SUGCT: variants seen among roughly 807,000 people sequenced by gnomAD.
SUGCT encodes succinyl-CoA:glutarate CoA-transferase.
A neutral mutation model predicts 55.0 loss-of-function variants in SUGCT; 41 were observed. The observed-to-expected ratio is 0.74, with a 90% confidence interval of 0.58 to 0.97. The LOEUF (loss-of-function observed/expected upper bound fraction) is 0.97. Among genes scored for constraint, SUGCT ranks in the 50% least tolerant of loss-of-function variants. The pLI is 0.00. For missense variants in SUGCT, 568 were observed against 547.8 expected (o/e 1.04, Z -0.37); for synonymous variants, 187 against 200.4 (o/e 0.93, Z 0.56).
intron 12 of SUGCT, among the ~76,000 whole-genome samples, chr7:40,662,203 T>C (rs945763817): frequency 2.6e-5 from 4 of 152,316 alleles, no homozygotes; most frequent in Middle Eastern, 3.4e-3. Flanking sequence ...GTCCTGTTGG[T>C]TCAACCTCCA....
chr7:40,594,322 T>TA (rs59560745), intron 12 of SUGCT, among the ~76,000 whole-genome samples: 80 of 100,094 alleles, frequency 8.0e-4, no homozygotes, highest in Admixed American at 9.4e-4. Context: ...ACTTAAAGTA[T>TA]AAAAAAAAAA....
intron 9 of SUGCT, among the ~76,000 whole-genome samples, chr7:40,389,617 A>G (rs1191395973): frequency 6.6e-6 from 1 of 152,188 alleles, no homozygotes; most frequent in African/African-American, 2.4e-5. Context: ...TCTCATTGTC[A>G]ATGACAAAGC....
chr7:40,232,599 C>T (rs1416359112), intron 6 of SUGCT, among the ~76,000 whole-genome samples: 3 of 152,098 alleles, frequency 2.0e-5, no homozygotes, highest in Non-Finnish European at 4.4e-5. Context: ...GGTAGGCAGG[C>T]CAGATCATAT....
intron 1 of SUGCT, among the ~76,000 whole-genome samples, chr7:40,167,007 A>G (rs539721051): frequency 2.6e-5 from 4 of 152,346 alleles, no homozygotes. Context: ...AAAGCTATAC[A>G]TGCACTTACC....
At chr7:40,832,575 C>T (rs35107273) in intron 13 of SUGCT, among the ~76,000 whole-genome samples, 44,311 of 141,844 alleles carry the variant, frequency 0.31, 7,072 homozygotes, top group East Asian at 0.54. Flanking sequence ...TTTTTTTTTT[C>T]CCGGATGTGA....
chr7:40,415,467 AT>A (rs1329876782), intron 9 of SUGCT, among the ~76,000 whole-genome samples: 10 of 148,928 alleles, frequency 6.7e-5, no homozygotes, highest in African/African-American at 1.5e-4. Context: ...AAATGTTAAT[AT>A]TTTTTTTCCC....
intron 9 of SUGCT, among the ~76,000 whole-genome samples, chr7:40,350,864 C>A (rs186296025): frequency 2.0e-5 from 3 of 151,708 alleles, no homozygotes; most frequent in African/African-American, 7.3e-5. Context: ...TTCAACTCCC[C>A]CTTAGGAGTG....
Position 40,328,880 on chromosome 7 carries a change from C to G in SUGCT, c.816+12025C>G, listed in dbSNP as rs1202983058. Reference sequence around the variant, plus strand: ...ACCAAAGAATGGGTTCAAATCTACCCAAGGTGGAGGCCTAGGTGGGAAGAG... The same window carrying G: ...ACCAAAGAATGGGTTCAAATCTACCGAAGGTGGAGGCCTAGGTGGGAAGAG... On this transcript the variant is annotated intron_variant, in intron 9 of 13. Coordinates refer to ENST00000335693, the MANE Select transcript of SUGCT (RefSeq NM_001193313.2). Among the ~76,000 whole-genome samples the G allele has an allele frequency of 6.6e-5, 10 of 152,068 alleles. No individual in the cohort carries two copies. In the East Asian group the frequency reaches 1.9e-3, roughly 29 times the overall value.
At position 40,478,884 on chromosome 7, in the gene SUGCT, A is replaced by G. The variant is rs79675809; in HGVS notation, c.987-17400A>G. ...TAATATACCATATAATGTCAAATCA[A>G]ATCGATTCGATATATATATGGAATT... is the stretch of plus-strand genomic sequence containing the variant. On this transcript the variant is annotated intron_variant, in intron 11 of 13. Coordinates refer to ENST00000335693, the MANE Select transcript of SUGCT (RefSeq NM_001193313.2). Among the ~76,000 whole-genome samples, 35 of 152,248 alleles carry G rather than the reference A, an allele frequency of 2.3e-4. No homozygotes were observed. In the East Asian group the frequency reaches 6.6e-3, roughly 29 times the overall value.
intron 12 of SUGCT, among the ~76,000 whole-genome samples, chr7:40,589,150 A>ATGTG (rs148183852): frequency 6.7e-5 from 10 of 150,276 alleles, no homozygotes; most frequent in Admixed American, 2.7e-4. Flanking sequence ...ATGTACATAT[A>ATGTG]TGTGTGTGTG....
chr7:40,922,575 G>T, the SUGCT span, among the ~76,000 whole-genome samples: 2 of 152,150 alleles, frequency 1.3e-5, no homozygotes, highest in Non-Finnish European at 2.9e-5. Context: ...AAAACACAAG[G>T]TTTCTTTACT....
intron 12 of SUGCT, among the ~76,000 whole-genome samples, chr7:40,693,677 A>C (rs1402429209): frequency 6.6e-6 from 1 of 152,208 alleles, no homozygotes; most frequent in Non-Finnish European, 1.5e-5. Context: ...TCAGCCAGTC[A>C]AGAAAGCCTG....
chr7:41,009,509 TTCCTTCCTTCCATCCACCATCCATCCA>T, the SUGCT span, among the ~76,000 whole-genome samples: 14 of 151,714 alleles, frequency 9.2e-5, no homozygotes, highest in South Asian at 2.1e-4. Context: ...TCCACCATCC[TTCCTTCCTTCCATCCACCATCCATCCA>T]TCCTTCCTTC....
At chr7:40,796,915 C>T (rs2128748417) in intron 13 of SUGCT, among the ~76,000 whole-genome samples, 1 of 152,276 alleles carries the variant, frequency 6.6e-6, no homozygotes, top group South Asian at 2.1e-4. Context: ...CGAGATGAGA[C>T]AAGGCAGGTC....
At chr7:40,571,705 T>C (rs896449040) in intron 12 of SUGCT, among the ~76,000 whole-genome samples, 11 of 152,126 alleles carry the variant, frequency 7.2e-5, no homozygotes, top group Admixed American at 3.9e-4. Flanking sequence ...GCTAAATGGA[T>C]CAAGCACCAC....
At chr7:41,013,272 T>C in the SUGCT span, among the ~76,000 whole-genome samples, 1 of 152,196 alleles carries the variant, frequency 6.6e-6, no homozygotes. Context: ...GGTAAACTAA[T>C]CACTGAGCTC....
At chr7:40,688,751 T>C (rs1784567334) in intron 12 of SUGCT, among the ~76,000 whole-genome samples, 1 of 152,198 alleles carries the variant, frequency 6.6e-6, no homozygotes, top group African/African-American at 2.4e-5. Flanking sequence ...GTTACACATT[T>C]CTTGTACTGA....
the SUGCT span, among the ~76,000 whole-genome samples, chr7:40,927,102 T>C: frequency 1.3e-5 from 2 of 152,188 alleles, no homozygotes; most frequent in Non-Finnish European, 2.9e-5. Context: ...AAAGTATTAT[T>C]TAAAAACTTG....
chr7:40,692,177 A>T (rs532811989), intron 12 of SUGCT, among the ~76,000 whole-genome samples: 8 of 152,320 alleles, frequency 5.3e-5, no homozygotes, highest in Middle Eastern at 6.8e-3. Flanking sequence ...AAAGGGCTTG[A>T]TACATTGCCA....
Sources: gnomAD v4.1 joint callset for allele counts (sites outside exome capture counted in the v4.1 genomes callset) on GRCh38, gnomAD v4.1.1 for gene constraint, MANE v1.5 for transcripts, NCBI Gene and HGNC (gene_info 2026-07-23, HGNC 2026-07-21) for gene names.